Variants in MOSMO observed in about 807,000 individuals in gnomAD.
The protein encoded by MOSMO is modulator of smoothened, also known as modulator of smoothened protein.
Under a neutral mutation model 18.4 loss-of-function variants are expected in MOSMO, and 5 were observed. That is an observed-to-expected ratio of 0.27 (90% confidence interval 0.14 to 0.57). The LOEUF (loss-of-function observed/expected upper bound fraction) is 0.57. MOSMO is among the 20% of genes least tolerant of loss of function. The pLI is 0.92. For missense variants in MOSMO, 138 were observed against 211.8 expected (o/e 0.65, Z 2.16); for synonymous variants, 82 against 82.3 (o/e 1.00, Z 0.02).
At chr16:22,086,330 T>C (rs1405942969), downstream of MOSMO, 1 of 152,214 alleles carries the variant, frequency 6.6e-6, no homozygotes, top group Middle Eastern at 3.1e-3. Flanking sequence ...CTCTGTTCAG[T>C]CATTTCCCAC....
intron 1 of MOSMO, among the ~76,000 whole-genome samples, chr16:22,073,954 CAGTT>C (rs1483250991): frequency 6.6e-6 from 1 of 152,140 alleles, no homozygotes; most frequent in African/African-American, 2.4e-5. Context: ...CTCTGCTTAA[CAGTT>C]AGCATTTGGG....
At chr16:22,068,818 A>G (rs1192267962) in intron 1 of MOSMO, among the ~76,000 whole-genome samples, 3 of 152,192 alleles carry the variant, frequency 2.0e-5, no homozygotes, top group African/African-American at 7.2e-5. Flanking sequence ...TAATACTGCT[A>G]TGAACATTCA....
chr16:22,091,355 C>G (rs1356911635), downstream of MOSMO, among the ~76,000 whole-genome samples: 2 of 152,052 alleles, frequency 1.3e-5, no homozygotes, highest in Non-Finnish European at 2.9e-5. Flanking sequence ...GAAGGGTGTT[C>G]CCTACCATAT....
chr16:22,019,598 G>A (rs1899711728), intron 1 of MOSMO, among the ~76,000 whole-genome samples: 1 of 152,040 alleles, frequency 6.6e-6, no homozygotes, highest in South Asian at 2.1e-4. Context: ...GTTGATCTTT[G>A]TATCTTAGGC....
At chr16:22,042,637 A>G (rs1260473205) in intron 1 of MOSMO, among the ~76,000 whole-genome samples, 1 of 152,210 alleles carries the variant, frequency 6.6e-6, no homozygotes, top group African/African-American at 2.4e-5. Flanking sequence ...TGTTGGAGGT[A>G]TATATTTTCA....
chr16:22,025,401 T>TA (rs1386621247), intron 1 of MOSMO, among the ~76,000 whole-genome samples: 1 of 152,314 alleles, frequency 6.6e-6, no homozygotes, highest in Admixed American at 6.5e-5. Flanking sequence ...GTTGTAGATA[T>TA]AAATGTTACC....
intron 1 of MOSMO, among the ~76,000 whole-genome samples, chr16:22,033,663 A>G (rs780653163): frequency 1.1e-4 from 17 of 151,754 alleles, no homozygotes; most frequent in Non-Finnish European, 1.9e-4. Flanking sequence ...AAAAAAAAAT[A>G]CAAAAAATCA....
downstream of MOSMO, chr16:22,085,263 G>C (rs765395338): frequency 6.6e-6 from 1 of 152,140 alleles, no homozygotes; most frequent in African/African-American, 2.4e-5. Flanking sequence ...GGGAATTGGA[G>C]GATTAAGACA....
At chr16:22,074,925 A>G (rs558863327) in intron 1 of MOSMO, among the ~76,000 whole-genome samples, 3 of 152,274 alleles carry the variant, frequency 2.0e-5, no homozygotes, top group African/African-American at 7.2e-5. Context: ...AACTACTTAT[A>G]CTGTAATATT....
At chr16:22,042,665 A>G (rs541743042) in intron 1 of MOSMO, among the ~76,000 whole-genome samples, 1 of 152,304 alleles carries the variant, frequency 6.6e-6, no homozygotes, top group South Asian at 2.1e-4. Flanking sequence ...ACCAGAAGTT[A>G]CCACCCAGTG....
At chr16:22,026,485 C>T (rs1349327375) in intron 1 of MOSMO, among the ~76,000 whole-genome samples, 3 of 152,098 alleles carry the variant, frequency 2.0e-5, no homozygotes, top group Non-Finnish European at 4.4e-5. Context: ...TCCCAAAGAG[C>T]TGGGATTACA....
intron 1 of MOSMO, among the ~76,000 whole-genome samples, chr16:22,055,446 T>A (rs1488133213): frequency 6.6e-6 from 1 of 152,222 alleles, no homozygotes; most frequent in Admixed American, 6.5e-5. Context: ...TTTCATTTTA[T>A]GTTACACCCT....
chr16:22,049,012 A>G (rs1900371112), intron 1 of MOSMO, among the ~76,000 whole-genome samples: 1 of 152,074 alleles, frequency 6.6e-6, no homozygotes, highest in Non-Finnish European at 1.5e-5. Flanking sequence ...TCCTATATAT[A>G]TACTGGGTGG....
At chr16:22,037,259 A>G (rs1156875461) in intron 1 of MOSMO, among the ~76,000 whole-genome samples, 1 of 152,176 alleles carries the variant, frequency 6.6e-6, no homozygotes, top group African/African-American at 2.4e-5. Flanking sequence ...TGACAGAATG[A>G]GACTTGGTCT....
intron 1 of MOSMO, among the ~76,000 whole-genome samples, chr16:22,033,473 G>A (rs535758905): frequency 6.6e-6 from 1 of 151,566 alleles, no homozygotes; most frequent in East Asian, 2.0e-4. Flanking sequence ...CTGCAACCTC[G>A]GCCTCCTGGG....
At position 22,081,064 on chromosome 16, in the gene MOSMO, T is replaced by TAA. The variant is rs199921661; in HGVS notation, c.*200_*201dup. 0.078 allele frequency: 13,508 copies of TAA among 174,204 alleles called. No homozygotes were observed. The highest frequency in any genetic ancestry group is 0.16 in the South Asian group (725 of 4,618). 10.8% of individuals were successfully genotyped at this position (174,204 alleles called of 1,614,324 possible). ...TTGTTCTCACTATGCACTTTGGATT[T>TAA]AAAAAAAAAAAAAAAAAGGAGAGCC... is the stretch of plus-strand genomic sequence containing the variant. On this transcript the variant is annotated 3_prime_UTR_variant, in exon 3 of 3. Transcript: ENST00000542527.
At chr16:22,051,655 A>G (rs919431686) in intron 1 of MOSMO, among the ~76,000 whole-genome samples, 5 of 152,188 alleles carry the variant, frequency 3.3e-5, no homozygotes, top group Non-Finnish European at 7.4e-5. Flanking sequence ...ATCAATAAGC[A>G]TAAGTGATTC....
At chr16:22,065,016 G>C (rs1900722780) in intron 1 of MOSMO, among the ~76,000 whole-genome samples, 1 of 152,244 alleles carries the variant, frequency 6.6e-6, no homozygotes, top group Non-Finnish European at 1.5e-5. Context: ...AGTGAGGACA[G>C]ATTCTGGTAG....
chr16:22,058,294 C>T (rs548362648), intron 1 of MOSMO, among the ~76,000 whole-genome samples: 5 of 151,880 alleles, frequency 3.3e-5, no homozygotes, highest in Non-Finnish European at 5.9e-5. Context: ...GGCGTGATGG[C>T]GTGCTCCTGT....
Sources: gnomAD v4.1 joint callset for allele counts (sites outside exome capture counted in the v4.1 genomes callset) on GRCh38, gnomAD v4.1.1 for gene constraint, MANE v1.5 for transcripts, NCBI Gene and HGNC (gene_info 2026-07-23, HGNC 2026-07-21) for gene names.